Variants in PCDH11X observed in about 807,000 individuals in gnomAD.
PCDH11X encodes the protein protocadherin-11 X-linked.
A neutral mutation model predicts 53.3 loss-of-function variants in PCDH11X; 18 were observed. The ratio of observed to expected loss-of-function variants is 0.34; its 90% confidence interval spans 0.23 to 0.50. The LOEUF is 0.50. Among genes scored for constraint, PCDH11X ranks in the 20% least tolerant of loss-of-function variants. PCDH11X has a pLI of 0.98. For missense variants in PCDH11X, 570 were observed against 1,032.4 expected (o/e 0.55, Z 6.14); for synonymous variants, 279 against 393.3 (o/e 0.71, Z 3.44).
At chrX:92,124,815 C>T (rs2064832481) in intron 6 of PCDH11X, among the ~76,000 whole-genome samples, 1 of 110,140 alleles carries the variant, frequency 9.1e-6, no homozygotes, top group Admixed American at 9.8e-5. Context: ...CATTTCTGTC[C>T]CTGGGAGTCC....
intron 8 of PCDH11X, among the ~76,000 whole-genome samples, chrX:92,365,504 A>T (rs2070451349): frequency 9.1e-6 from 1 of 110,148 alleles, no homozygotes; most frequent in Admixed American, 9.7e-5. Context: ...AGCCTTCCAA[A>T]GTGCTGGGAT....
intron 6 of PCDH11X, among the ~76,000 whole-genome samples, chrX:92,164,546 C>T (rs1425718889): frequency 8.9e-6 from 1 of 112,006 alleles, no homozygotes; most frequent in East Asian, 2.8e-4. Context: ...CATACATAGA[C>T]AAGCAGTGAA....
chrX:92,170,438 G>T (rs1413545777), intron 6 of PCDH11X, among the ~76,000 whole-genome samples: 1 of 110,381 alleles, frequency 9.1e-6, no homozygotes, highest in African/African-American at 3.3e-5. Context: ...AATTGGAAAA[G>T]AATGAGAAAA....
intron 9 of PCDH11X, among the ~76,000 whole-genome samples, chrX:92,464,721 G>A (rs2073124894): frequency 9.0e-6 from 1 of 110,953 alleles, no homozygotes; most frequent in Non-Finnish European, 1.9e-5. Flanking sequence ...AACTGCTACA[G>A]TATATTAGTT....
chrX:92,221,373 G>A (rs1262450006), intron 7 of PCDH11X, among the ~76,000 whole-genome samples: 1 of 106,367 alleles, frequency 9.4e-6, no homozygotes, highest in African/African-American at 3.4e-5. Context: ...GTTCTGGTCC[G>A]AGGCAAAGTT....
At chrX:91,823,604 C>G (rs1460286126) in intron 4 of PCDH11X, among the ~76,000 whole-genome samples, 1 of 111,617 alleles carries the variant, frequency 9.0e-6, no homozygotes, top group Non-Finnish European at 1.9e-5. Context: ...ATACAGCACA[C>G]TGATGGATCT....
chrX:92,023,561 T>C (rs1053974449), intron 6 of PCDH11X, among the ~76,000 whole-genome samples: 26 of 109,615 alleles, frequency 2.4e-4, no homozygotes, highest in Non-Finnish European at 3.6e-4. Flanking sequence ...ACCAGATAAA[T>C]TCAAAACTGA....
intron 5 of PCDH11X, among the ~76,000 whole-genome samples, chrX:91,843,341 G>T: frequency 1.0e-5 from 1 of 99,330 alleles, no homozygotes; most frequent in Non-Finnish European, 2.0e-5. Flanking sequence ...ACACAGCCTT[G>T]CTCTGTCGCC....
intron 6 of PCDH11X, among the ~76,000 whole-genome samples, chrX:92,200,806 G>A (rs779154600): frequency 8.0e-5 from 9 of 112,327 alleles, no homozygotes; most frequent in African/African-American, 1.3e-4. Context: ...AGCCCTTGAA[G>A]CCATTAGGTT....
intron 7 of PCDH11X, among the ~76,000 whole-genome samples, chrX:92,257,361 T>G (rs1395328587): frequency 1.8e-5 from 2 of 111,229 alleles, no homozygotes; most frequent in Non-Finnish European, 3.8e-5. Context: ...CATATCATTC[T>G]GCCCCTGGCC....
chrX:92,315,487 C>A, intron 8 of PCDH11X, among the ~76,000 whole-genome samples: 1 of 111,476 alleles, frequency 9.0e-6, no homozygotes, highest in Admixed American at 9.6e-5. Context: ...AGAAAAGTGA[C>A]CTTAAACCAT....
At chrX:92,195,800 G>A (rs1340696031) in intron 6 of PCDH11X, among the ~76,000 whole-genome samples, 2 of 111,637 alleles carry the variant, frequency 1.8e-5, no homozygotes, top group East Asian at 2.8e-4. Flanking sequence ...CAAAACAAAA[G>A]ACACACAAAG....
chrX:92,410,974 A>AC lies in PCDH11X; in HGVS notation c.3343+23042dup, dbSNP rs771370421. Among the ~76,000 whole-genome samples, 386 of 110,463 alleles carry AC rather than the reference A, an allele frequency of 3.5e-3. 1 individual carries two copies. The highest frequency in any genetic ancestry group is 0.012 in the Admixed American group (123 of 10,427). The stretch of plus-strand genomic sequence containing the variant: ...AAAATATATTCATGTGGTATCAGTC[A>AC]CTGAGAAAAAGGCTTAATTTAATGA... On this transcript the variant is annotated intron_variant, in intron 9 of 10. Transcript: ENST00000682573.
At chrX:92,244,727 G>C (rs2067317081) in intron 7 of PCDH11X, among the ~76,000 whole-genome samples, 1 of 111,539 alleles carries the variant, frequency 9.0e-6, no homozygotes, top group Non-Finnish European at 1.9e-5. Flanking sequence ...GAGTAATTAA[G>C]TAACTTTCCC....
intron 6 of PCDH11X, among the ~76,000 whole-genome samples, chrX:91,933,953 C>T (rs1393846736): frequency 9.1e-6 from 1 of 109,796 alleles, no homozygotes; most frequent in African/African-American, 3.3e-5. Flanking sequence ...CTTAATGGCC[C>T]TTTCGTTGAA....
At chrX:92,003,117 C>A (rs1314429314) in intron 6 of PCDH11X, among the ~76,000 whole-genome samples, 1 of 104,240 alleles carries the variant, frequency 9.6e-6, no homozygotes, top group African/African-American at 3.5e-5. Flanking sequence ...TGAATTCTAT[C>A]AAATGGTTTT....
chrX:92,390,925 C>G, intron 9 of PCDH11X, among the ~76,000 whole-genome samples: 1 of 108,380 alleles, frequency 9.2e-6, no homozygotes, highest in Middle Eastern at 4.7e-3. Context: ...AAGTCTTTTG[C>G]CAAGACTATT....
intron 10 of PCDH11X, among the ~76,000 whole-genome samples, chrX:92,516,945 A>G (rs966626961): frequency 6.2e-5 from 7 of 112,443 alleles, no homozygotes; most frequent in East Asian, 2.8e-4. Flanking sequence ...GATCTATGAT[A>G]GGCACGACTG....
intron 10 of PCDH11X, among the ~76,000 whole-genome samples, chrX:92,539,844 TC>T: frequency 9.0e-6 from 1 of 111,318 alleles, no homozygotes; most frequent in Non-Finnish European, 1.9e-5. Context: ...TTAGATAAGG[TC>T]CAAAAGAATT....
Sources: allele counts gnomAD v4.1 joint callset (sites outside exome capture counted in the v4.1 genomes callset), GRCh38; gene constraint gnomAD v4.1.1; transcripts MANE v1.5; gene names NCBI Gene and HGNC (gene_info 2026-07-23, HGNC 2026-07-21).